The following GTF2A1 variants were observed in gnomAD, a reference collection of about 807,000 sequenced individuals.
GTF2A1 encodes the protein transcription initiation factor IIA subunit 1.
Under a neutral mutation model 54.1 loss-of-function variants are expected in GTF2A1, and 12 were observed. That is an observed-to-expected ratio of 0.22 (90% confidence interval 0.14 to 0.36). The LOEUF (loss-of-function observed/expected upper bound fraction) is 0.36. Among genes scored for constraint, GTF2A1 ranks in the 10% least tolerant of loss-of-function variants. The pLI, the probability that GTF2A1 is intolerant of heterozygous loss-of-function variation, is 1.00. For missense variants in GTF2A1, 335 were observed against 442.2 expected, an observed-to-expected ratio of 0.76 and a Z score of 2.17; for synonymous variants, 145 against 152.0, an observed-to-expected ratio of 0.95 and a Z score of 0.34.
At chr14:81,220,102 G>C (rs1215032378) in intron 1 of GTF2A1, among the ~76,000 whole-genome samples, 1 of 151,684 alleles carries the variant, frequency 6.6e-6, no homozygotes, top group Admixed American at 6.6e-5. Context: ...TAGCCACTCG[G>C]GGAGCCCTCG....
chr14:81,194,040 A>T (rs1230002614), intron 6 of GTF2A1, among the ~76,000 whole-genome samples: 1 of 152,198 alleles, frequency 6.6e-6, no homozygotes, highest in South Asian at 2.1e-4. Flanking sequence ...AATATTACTT[A>T]TATTATTAGT....
chr14:81,184,542 T>TA, intron 8 of GTF2A1, among the ~76,000 whole-genome samples: 1 of 152,332 alleles, frequency 6.6e-6, no homozygotes, highest in South Asian at 2.1e-4. Flanking sequence ...TCCACCTTTT[T>TA]ATTAGTAAAT....
intron 2 of GTF2A1, among the ~76,000 whole-genome samples, chr14:81,205,408 T>C (rs1951616): frequency 0.77 from 117,737 of 152,016 alleles, 46,410 homozygotes; most frequent in African/African-American, 0.89. Context: ...CTAGGGAATC[T>C]TACTGGCAGG....
intron 1 of GTF2A1, among the ~76,000 whole-genome samples, chr14:81,218,094 C>T (rs76827496): frequency 2.7e-5 from 4 of 148,248 alleles, no homozygotes; most frequent in Non-Finnish European, 3.0e-5. Flanking sequence ...CTATAAAGTG[C>T]TTTTTTTTTT....
intron 8 of GTF2A1, among the ~76,000 whole-genome samples, chr14:81,183,920 T>C (rs1007954026): frequency 6.6e-6 from 1 of 152,174 alleles, no homozygotes; most frequent in African/African-American, 2.4e-5. Flanking sequence ...TTTTGCGCAG[T>C]CAAAGAAAAC....
At chr14:81,195,958 G>A (rs930550360) in intron 6 of GTF2A1, 150 bp downstream of exon 6, 3 of 636,472 alleles carry the variant, frequency 4.7e-6, no homozygotes, top group Non-Finnish European at 5.5e-6. Flanking sequence ...CTGAATCTAA[G>A]TTAAGCTGTA....
At position 81,220,710 on chromosome 14, in the gene GTF2A1, C is replaced by G. The variant is rs1893618726; in HGVS notation, c.-192G>C. 2.6e-6 allele frequency: 1 copy of G among 389,178 alleles called. No homozygotes were observed. Among genetic ancestry groups the G allele is most frequent in the Non-Finnish European group, 4.5e-6 (1 of 220,024 alleles). The allele number at this position is 389,178 out of a possible 1,614,324, so 24.1% of individuals were successfully genotyped here. ...AGGAGGAGGAGGGGGGCACTCCTCC[C>G]GCAGCTGAAAACCTCGAGAATCGCC... On this transcript the variant is annotated 5_prime_UTR_variant, in exon 1 of 9. Transcript: ENST00000553612.
chr14:81,189,240 G>GA (rs1473387503), intron 7 of GTF2A1, among the ~76,000 whole-genome samples: 2 of 151,980 alleles, frequency 1.3e-5, no homozygotes, highest in East Asian at 3.9e-4. Context: ...AACTCACTGA[G>GA]AAAAAACAAT....
intron 2 of GTF2A1, among the ~76,000 whole-genome samples, chr14:81,208,438 T>C (rs1336139173): frequency 6.6e-6 from 1 of 152,210 alleles, no homozygotes; most frequent in Non-Finnish European, 1.5e-5. Flanking sequence ...AGTCTGCTAC[T>C]GCAGAGGCAG....
At chr14:81,196,744 A>C (rs1345887865) in intron 5 of GTF2A1, among the ~76,000 whole-genome samples, 1 of 152,220 alleles carries the variant, frequency 6.6e-6, no homozygotes, top group South Asian at 2.1e-4. Context: ...TTCACACAGA[A>C]TCAAATTCCC....
chr14:81,175,651 A>G lies in GTF2A1; in HGVS notation c.*4572T>C, dbSNP rs1566846995. 1 of 152,224 alleles carries G rather than the reference A, an allele frequency of 6.6e-6. No individual in the cohort carries two copies. Among genetic ancestry groups the G allele is most frequent in the Non-Finnish European group, 1.5e-5 (1 of 68,030 alleles). 9.4% of individuals were successfully genotyped at this position (152,224 alleles called of 1,614,324 possible). On this transcript the variant is annotated 3_prime_UTR_variant, in exon 9 of 9. Transcript: ENST00000553612. ...ACACAAAATATATTCAATACGCAAT[A>G]CAAACCTCAGTAATCCAATTCTCCT...
Position 81,187,248 on chromosome 14 carries a change from G to A in GTF2A1, c.934-1628C>T, listed in dbSNP as rs537664693. The stretch of plus-strand genomic sequence containing the variant: ...CAGGTGCCTGTAGTCCCAGCTACTC[G>A]GGAGGCTGAGGCAGGAGAATGGCGG... On this transcript the variant is annotated intron_variant, in intron 7 of 8. Coordinates refer to ENST00000553612, the MANE Select transcript of GTF2A1 (RefSeq NM_015859.4). 7.2e-5 allele frequency among the ~76,000 whole-genome samples: 11 copies of A among 151,866 alleles called. No homozygotes were observed. In the South Asian group the frequency reaches 1.5e-3, roughly 20 times the overall value.
At chr14:81,197,357 T>G (rs1018559921) in intron 5 of GTF2A1, 52 bp downstream of exon 5, 4 of 900,700 alleles carry the variant, frequency 4.4e-6, no homozygotes, top group Middle Eastern at 2.1e-4. Flanking sequence ...AAGGGCTAGA[T>G]AGTACAATTT....
At position 81,189,438 on chromosome 14, in the gene GTF2A1, A is replaced by G. The variant is rs368959391; in HGVS notation, c.933+3081T>C. Among the ~76,000 whole-genome samples the G allele has an allele frequency of 3.2e-4, 48 of 152,276 alleles. 1 individual carries two copies. The South Asian group carries it at 4.1e-3, about 13-fold the overall frequency. ...TATAATCCCAGCACTTTGGGAGGCC[A>G]AGGTGGGCGGATCACGAGGTCAGGA... On this transcript the variant is annotated intron_variant, in intron 7 of 8. Coordinates refer to ENST00000553612, the MANE Select transcript of GTF2A1 (RefSeq NM_015859.4).
At chr14:81,219,144 A>T (rs1483168543) in intron 1 of GTF2A1, among the ~76,000 whole-genome samples, 1 of 152,196 alleles carries the variant, frequency 6.6e-6, no homozygotes, top group Non-Finnish European at 1.5e-5. Context: ...AATTGTAAAC[A>T]AAAAGGGACA....
chr14:81,211,200 C>G (rs769239836), intron 2 of GTF2A1, among the ~76,000 whole-genome samples: 5 of 152,162 alleles, frequency 3.3e-5, no homozygotes, highest in African/African-American at 4.8e-5. Flanking sequence ...ATGTCCCAGT[C>G]AGGGCTAGAG....
chr14:81,206,632 G>A (rs1387010550), intron 2 of GTF2A1, among the ~76,000 whole-genome samples: 3 of 152,142 alleles, frequency 2.0e-5, no homozygotes, highest in African/African-American at 4.8e-5. Flanking sequence ...CAGCAGCTCT[G>A]GGGGTTATTC....
intron 2 of GTF2A1, among the ~76,000 whole-genome samples, chr14:81,209,351 T>G (rs1715977407): frequency 6.6e-6 from 1 of 152,198 alleles, no homozygotes; most frequent in Non-Finnish European, 1.5e-5. Flanking sequence ...CACTTCCCAC[T>G]ATGATTCTGA....
intron 1 of GTF2A1, among the ~76,000 whole-genome samples, chr14:81,218,796 A>G (rs990871400): frequency 1.3e-5 from 2 of 149,074 alleles, no homozygotes; most frequent in Admixed American, 6.8e-5. Context: ...TTCTACTTAG[A>G]TTTTTTTTTA....
Sources: allele counts gnomAD v4.1 joint callset (sites outside exome capture counted in the v4.1 genomes callset), GRCh38; gene constraint gnomAD v4.1.1; transcripts MANE v1.5; gene names NCBI Gene and HGNC (gene_info 2026-07-23, HGNC 2026-07-21).